The following NPC1 variants were observed in gnomAD, a reference collection of about 807,000 sequenced individuals.
NPC1 encodes NPC intracellular cholesterol transporter 1.
NPC1 carries 85 observed loss-of-function variants against 140.4 expected under a neutral mutation model. That is an observed-to-expected ratio of 0.61 (90% CI 0.51 to 0.72). NPC1 has a LOEUF of 0.72. Ranked by LOEUF, NPC1 falls within the 30% of genes least tolerant of loss-of-function variation. NPC1 has a pLI of 0.00. For missense variants in NPC1, 1,504 were observed against 1,623.8 expected (o/e 0.93, Z 1.27); for synonymous variants, 656 against 624.8 (o/e 1.05, Z -0.74).
chr18:23,585,073 T>C (rs1377495509), intron 1 of NPC1, among the ~76,000 whole-genome samples: 1 of 152,078 alleles, frequency 6.6e-6, no homozygotes, highest in Non-Finnish European at 1.5e-5. Flanking sequence ...TAAAAATAAA[T>C]TTTAAAAAAC....
chr18:23,538,895 C>A, intron 19 of NPC1: 1 of 562,930 alleles, frequency 1.8e-6, no homozygotes, highest in Non-Finnish European at 3.2e-6. Context: ...TACTATGCAT[C>A]ATTTTCTGCC....
intron 1 of NPC1, among the ~76,000 whole-genome samples, chr18:23,523,403 C>T (rs569554022): frequency 2.6e-5 from 4 of 152,018 alleles, no homozygotes; most frequent in Admixed American, 6.6e-5. Flanking sequence ...AATGGATAAT[C>T]GAACTAATTA....
At position 23,535,453 on chromosome 18, in the gene NPC1, C is replaced by T. The variant is rs562827014; in HGVS notation, c.3477+16G>A. On this transcript the variant is annotated intron_variant, in intron 22 of 24. Transcript: ENST00000269228. ...AACAGGAGCTAGGGACAAACTGAGA[C>T]TGTATGAGGACTCACCATCACCAGG... is the stretch of plus-strand genomic sequence containing the variant. 5 of 1,568,006 alleles carry T rather than the reference C, an allele frequency of 3.2e-6. No individual in the cohort carries two copies. In the South Asian group the frequency reaches 4.5e-5, roughly 14 times the overall value.
At position 23,545,090 on chromosome 18, in the gene NPC1, T is replaced by G; in HGVS notation, c.1817A>C (p.Glu606Ala). 1 of 1,613,398 alleles carries G rather than the reference T, an allele frequency of 6.2e-7. No individual in the cohort carries two copies. The highest frequency in any genetic ancestry group is 8.5e-7 in the Non-Finnish European group (1 of 1,179,326). ...NPNLTISFTA[E>A]RSIEDELNRE... ...ATTTAGTTCATCTTCAATACTTCGT[T>G]CAGCAGTGAAGGAAATGGTCAGATT... Residue 606 changes from glutamate to alanine, a missense_variant, in exon 12 of 25, where the codon GAA becomes GCA. Physicochemically the swap from Glu to Ala is moderately radical, Grantham distance 107. Coordinates refer to ENST00000269228, the MANE Select transcript of NPC1 (RefSeq NM_000271.5).
chr18:23,545,288 G>A (rs762161737), intron 11 of NPC1, 139 bp from the exon 12 acceptor site: 1 of 681,824 alleles, frequency 1.5e-6, no homozygotes, highest in Non-Finnish European at 2.6e-6. Flanking sequence ...TGTCGCCCAG[G>A]CTGAAGTGCA....
At chr18:23,527,663 A>ATTATT, downstream of NPC1, 6 of 163,912 alleles carry the variant, frequency 3.7e-5, no homozygotes, top group Non-Finnish European at 4.6e-5. Flanking sequence ...AGGTCTTTAA[A>ATTATT]GTAGAGTGTC....
chr18:23,560,195 C>T, intron 6 of NPC1, 36 bp downstream of exon 6: 1 of 1,613,534 alleles, frequency 6.2e-7, no homozygotes, highest in Non-Finnish European at 8.5e-7. Context: ...GGCAATTTTG[C>T]TCTTTTTGCC....
At chr18:23,518,822 G>A, downstream of NPC1, 2 of 1,391,632 alleles carry the variant, frequency 1.4e-6, no homozygotes, top group Non-Finnish European at 2.0e-6. Flanking sequence ...ACTTAACCGT[G>A]ATGCCATTTA....
chr18:23,554,736 A>G (rs1234902719), intron 9 of NPC1, 22 bp downstream of exon 9: 2 of 1,593,374 alleles, frequency 1.3e-6, no homozygotes, highest in Non-Finnish European at 8.6e-7. Flanking sequence ...GTGTCTACCA[A>G]TGATTGTCTC....
intron 1 of NPC1, chr18:23,524,027 A>G: frequency 3.9e-6 from 5 of 1,270,254 alleles, no homozygotes; most frequent in Non-Finnish European, 5.7e-6. Flanking sequence ...TTGAATAAAC[A>G]TTTCGTAATG....
chr18:23,554,955 GTT>G lies in NPC1; in HGVS notation c.1354_1355del (p.Asn452HisfsTer6). On this transcript the variant is annotated frameshift_variant, in exon 9 of 25. Coordinates refer to ENST00000269228, the MANE Select transcript of NPC1 (RefSeq NM_000271.5). LOFTEE classifies it high-confidence loss of function. Reference protein sequence around the residue: ...QVLDLQIAIENITASYDNETV... With the variant: ...QVLDLQIAIEXITASYDNETV... ...TCTCATTGTCATAAGAGGCAGTAAT[GTT>G]TTCGATGGCTATTTGTAAGTCAAGA... 1 of 1,613,362 alleles carries G rather than the reference GTT, an allele frequency of 6.2e-7. No homozygotes were observed. The highest frequency in any genetic ancestry group is 8.5e-7 in the Non-Finnish European group (1 of 1,179,310).
At chr18:23,543,635 G>A in intron 13 of NPC1, 66 bp from the exon 14 acceptor site, 2 of 932,350 alleles carry the variant, frequency 2.1e-6, no homozygotes, top group Non-Finnish European at 3.4e-6. Context: ...ATTTCTTGCT[G>A]CCTTGTGTTA....
intron 19 of NPC1, 84 bp from the exon 20 acceptor site, chr18:23,538,755 G>T: frequency 1.4e-6 from 2 of 1,403,320 alleles, no homozygotes; most frequent in African/African-American, 1.4e-5. Flanking sequence ...GACAGTGAGG[G>T]GCATTACTTT....
intron 4 of NPC1, among the ~76,000 whole-genome samples, chr18:23,565,077 T>TG (rs1420356649): frequency 6.6e-6 from 1 of 152,246 alleles, no homozygotes; most frequent in African/African-American, 2.4e-5. Flanking sequence ...TGCTTAGTTT[T>TG]GAAACTGAGA....
At chr18:23,586,194 C>G in intron 1 of NPC1, 93 bp downstream of exon 1, 2 of 1,384,736 alleles carry the variant, frequency 1.4e-6, no homozygotes, top group South Asian at 1.3e-5. Context: ...TCCCCAGGAC[C>G]CGGGCCTGAG....
intron 4 of NPC1, among the ~76,000 whole-genome samples, chr18:23,568,483 A>G (rs1567976675): frequency 6.6e-6 from 1 of 152,278 alleles, no homozygotes; most frequent in East Asian, 1.9e-4. Context: ...TAACAGTTCT[A>G]TCTTCTCAGT....
chr18:23,529,367 A>T (rs1396115403), downstream of NPC1: 1 of 1,549,144 alleles, frequency 6.5e-7, no homozygotes. Flanking sequence ...GAAAACGAGG[A>T]GACTTCATGT....
At chr18:23,522,583 C>T (rs1186980820) in exon 2 of NPC1, 2 of 152,504 alleles carry the variant, frequency 1.3e-5, no homozygotes, top group Non-Finnish European at 2.9e-5. Flanking sequence ...GAAGCCAAAA[C>T]ATTGGACACC....
intron 19 of NPC1, chr18:23,539,037 CCCT>C: frequency 4.4e-6 from 2 of 451,780 alleles, no homozygotes; most frequent in Non-Finnish European, 8.1e-6. Context: ...TAAAGAAAAG[CCCT>C]CCTCTGAGAA....
Sources: allele counts gnomAD v4.1 joint callset (sites outside exome capture counted in the v4.1 genomes callset), GRCh38; gene constraint gnomAD v4.1.1; transcripts MANE v1.5; gene names NCBI Gene and HGNC (gene_info 2026-07-23, HGNC 2026-07-21).